The following SCLT1 variants were observed in gnomAD, a reference collection of about 807,000 sequenced individuals.
SCLT1 encodes sodium channel and clathrin linker 1.
In SCLT1, 78 loss-of-function variants were observed where a neutral mutation model predicts 112.8. That is an observed-to-expected ratio of 0.69 (90% CI 0.58 to 0.83). The LOEUF is 0.83. Ranked by LOEUF, SCLT1 falls within the 40% of genes least tolerant of loss-of-function variation. The probability of loss-of-function intolerance (pLI) is 0.00; values close to 1 mark genes in which losing one functional copy is unlikely to be tolerated. For synonymous variants in SCLT1, 257 were observed against 254.7 expected, an observed-to-expected ratio of 1.01 and a Z score of -0.09; for missense variants, 747 against 770.4, an observed-to-expected ratio of 0.97 and a Z score of 0.36.
chr4:129,002,823 T>G (rs951166126), intron 6 of SCLT1, among the ~76,000 whole-genome samples: 1 of 152,130 alleles, frequency 6.6e-6, no homozygotes, highest in Non-Finnish European at 1.5e-5. Flanking sequence ...GGAACACTTT[T>G]ACACTGTTGG....
At chr4:128,913,729 A>T (rs143566957) in intron 18 of SCLT1, among the ~76,000 whole-genome samples, 1 of 152,206 alleles carries the variant, frequency 6.6e-6, no homozygotes, top group Non-Finnish European at 1.5e-5. Context: ...GGGCGCTCTC[A>T]AAAATACATA....
chr4:128,979,888 C>T lies in SCLT1; in HGVS notation c.687-9420G>A, dbSNP rs181216725. Among the ~76,000 whole-genome samples, 731 of 152,308 alleles carry T rather than the reference C, an allele frequency of 4.8e-3. 6 individuals carry two copies. Among genetic ancestry groups the T allele is most frequent in the African/African-American group, 0.017 (694 of 41,570 alleles). ...CTAATTAACTGTGGCTAAGGTTCCA[C>T]TCTTGACCAGTGTGTTCTAGAAGTC... On this transcript the variant is annotated intron_variant, in intron 9 of 20. Transcript: ENST00000281142.
intron 2 of SCLT1, among the ~76,000 whole-genome samples, chr4:129,065,023 TA>T (rs1458299200): frequency 2.0e-5 from 3 of 152,114 alleles, no homozygotes; most frequent in Admixed American, 6.5e-5. Flanking sequence ...TAGAACCTTT[TA>T]TTTTTTTCTT....
intron 11 of SCLT1, among the ~76,000 whole-genome samples, chr4:128,963,369 C>T (rs1242606652): frequency 2.0e-5 from 3 of 152,136 alleles, no homozygotes; most frequent in Admixed American, 6.5e-5. Context: ...CTGTCATCTA[C>T]GGAGATAATC....
intron 9 of SCLT1, among the ~76,000 whole-genome samples, chr4:128,979,771 A>T (rs1007730155): frequency 3.3e-5 from 5 of 152,194 alleles, no homozygotes; most frequent in Non-Finnish European, 7.3e-5. Context: ...TTGAAAGAAA[A>T]CAGTCATCTA....
intron 10 of SCLT1, 57 bp from the exon 11 acceptor site, chr4:128,965,375 T>C (rs1740089029): frequency 9.7e-7 from 1 of 1,027,604 alleles, no homozygotes; most frequent in Non-Finnish European, 1.5e-6. Context: ...CAATACACCA[T>C]TATACAGCAT....
chr4:128,902,389 C>T (rs888501453), intron 18 of SCLT1, among the ~76,000 whole-genome samples: 2 of 152,174 alleles, frequency 1.3e-5, no homozygotes, highest in African/African-American at 4.8e-5. Context: ...GTCTACTACA[C>T]ACCTAGGCAA....
chr4:129,056,653 A>G (rs1012575209), intron 2 of SCLT1, among the ~76,000 whole-genome samples: 3 of 152,220 alleles, frequency 2.0e-5, no homozygotes, highest in African/African-American at 7.2e-5. Context: ...TTTAGTGTAT[A>G]GAAACAATAC....
intron 5 of SCLT1, among the ~76,000 whole-genome samples, chr4:129,020,523 T>G (rs1243156377): frequency 2.0e-5 from 3 of 152,256 alleles, no homozygotes; most frequent in African/African-American, 7.2e-5. Context: ...AGACTGGATT[T>G]CTTCGGGATT....
At chr4:128,967,178 G>A (rs939225737) in intron 10 of SCLT1, among the ~76,000 whole-genome samples, 4 of 152,154 alleles carry the variant, frequency 2.6e-5, no homozygotes, top group Non-Finnish European at 5.9e-5. Context: ...TTGCTGCAAA[G>A]GACATGATTT....
chr4:128,889,622 G>A (rs1026918367), intron 19 of SCLT1, among the ~76,000 whole-genome samples: 1 of 152,166 alleles, frequency 6.6e-6, no homozygotes, highest in Non-Finnish European at 1.5e-5. Context: ...CAGGCATCAT[G>A]AATACAAAGC....
chr4:129,058,031 G>A (rs1013580015), intron 2 of SCLT1, among the ~76,000 whole-genome samples: 2 of 152,178 alleles, frequency 1.3e-5, no homozygotes, highest in African/African-American at 2.4e-5. Flanking sequence ...TTACAGGCAT[G>A]AGCCATCATG....
intron 18 of SCLT1, among the ~76,000 whole-genome samples, chr4:128,929,848 T>C (rs1038737812): frequency 4.6e-5 from 7 of 152,198 alleles, no homozygotes; most frequent in African/African-American, 1.4e-4. Flanking sequence ...TGTCTATTCA[T>C]GGTGTTATAA....
intron 18 of SCLT1, among the ~76,000 whole-genome samples, chr4:128,894,363 AAC>A (rs10522940): frequency 0.012 from 1,772 of 142,996 alleles, 20 homozygotes; most frequent in South Asian, 0.024. Flanking sequence ...TTGAGTAAGT[AAC>A]ACACACACAC....
At chr4:129,023,564 T>C (rs1051973799) in intron 5 of SCLT1, among the ~76,000 whole-genome samples, 3 of 152,172 alleles carry the variant, frequency 2.0e-5, no homozygotes, top group African/African-American at 7.2e-5. Flanking sequence ...GGAGCCAAGA[T>C]GGCCGAATAG....
At chr4:128,936,061 T>G (rs1579427502) in intron 18 of SCLT1, among the ~76,000 whole-genome samples, 1 of 152,174 alleles carries the variant, frequency 6.6e-6, no homozygotes, top group East Asian at 1.9e-4. Context: ...ACTTGGACTA[T>G]CATAGTACTA....
intron 5 of SCLT1, among the ~76,000 whole-genome samples, chr4:129,024,042 C>G (rs1309154449): frequency 1.3e-5 from 2 of 152,234 alleles, no homozygotes; most frequent in African/African-American, 4.8e-5. Flanking sequence ...CCGGGAAGCT[C>G]GAACTGGGTG....
At chr4:128,895,326 T>C (rs1303859954) in intron 18 of SCLT1, among the ~76,000 whole-genome samples, 2 of 152,130 alleles carry the variant, frequency 1.3e-5, no homozygotes, top group African/African-American at 4.8e-5. Context: ...TTGGACAAAA[T>C]AGTCCAAATT....
chr4:128,994,298 T>C (rs1194289590), intron 8 of SCLT1, among the ~76,000 whole-genome samples: 1 of 152,156 alleles, frequency 6.6e-6, no homozygotes, highest in Admixed American at 6.6e-5. Context: ...GTGACTGGCT[T>C]ATTTCATTTA....
Sources: gnomAD v4.1 joint callset for allele counts (sites outside exome capture counted in the v4.1 genomes callset) on GRCh38, gnomAD v4.1.1 for gene constraint, MANE v1.5 for transcripts, NCBI Gene and HGNC (gene_info 2026-07-23, HGNC 2026-07-21) for gene names.